The following COL4A4 variants were observed in gnomAD, a reference collection of about 807,000 sequenced individuals.
COL4A4 encodes collagen alpha-4(IV) chain.
A neutral mutation model predicts 192.9 loss-of-function variants in COL4A4; 105 were observed. The observed-to-expected ratio is 0.54, with a 90% CI of 0.46 to 0.64. The LOEUF is 0.64. Among genes scored for constraint, COL4A4 ranks in the 30% least tolerant of loss-of-function variants. COL4A4 has a pLI of 0.00. For missense variants in COL4A4, 1,967 were observed against 2,169.3 expected (o/e 0.91, Z 1.85); for synonymous variants, 762 against 769.9 (o/e 0.99, Z 0.17).
intron 4 of COL4A4, 114 bp downstream of exon 4, chr2:227,140,047 A>T: frequency 1.2e-6 from 1 of 863,132 alleles, no homozygotes; most frequent in Admixed American, 1.9e-5. Flanking sequence ...TGTGAAATAC[A>T]TAAACATTAT....
chr2:227,145,679 CT>C (rs1317885750), intron 2 of COL4A4, among the ~76,000 whole-genome samples: 3 of 152,138 alleles, frequency 2.0e-5, no homozygotes, highest in African/African-American at 7.2e-5. Context: ...TCTCTAAAAC[CT>C]CATGTCCTAA....
intron 1 of COL4A4, among the ~76,000 whole-genome samples, chr2:227,155,820 G>T (rs1312136875): frequency 6.6e-6 from 1 of 152,050 alleles, no homozygotes; most frequent in Non-Finnish European, 1.5e-5. Flanking sequence ...AAGTTAAGAA[G>T]ATTTGTGTTC....
the COL4A4 span, among the ~76,000 whole-genome samples, chr2:226,986,605 GA>G: frequency 1.3e-5 from 2 of 152,186 alleles, no homozygotes; most frequent in Admixed American, 6.5e-5. Context: ...GGTCATTAGA[GA>G]AATGCAAATC....
At chr2:227,129,233 T>G (rs2062271888) in intron 4 of COL4A4, among the ~76,000 whole-genome samples, 1 of 152,160 alleles carries the variant, frequency 6.6e-6, no homozygotes, top group Non-Finnish European at 1.5e-5. Flanking sequence ...TGTTCAGTTC[T>G]GACTTCAAGG....
At position 227,006,013 on chromosome 2, in the gene COL4A4, C is replaced by T. The variant is rs938737118; in HGVS notation, c.*1312G>A. ...GAAAATACTAATGCCAAATGTCAAA[C>T]TGTTGCCTTGGTACAAGACTGATAT... On this transcript the variant is annotated 3_prime_UTR_variant, in exon 48 of 48. Coordinates refer to ENST00000396625, the MANE Select transcript of COL4A4 (RefSeq NM_000092.5). 1.3e-5 allele frequency: 2 copies of T among 152,480 alleles called. No homozygotes were observed. The highest frequency in any genetic ancestry group is 4.8e-5 in the African/African-American group (2 of 41,444). The allele number at this position is 152,480 out of a possible 1,614,324, so 9.4% of individuals were successfully genotyped here.
chr2:227,141,122 A>T (rs2063180893), intron 3 of COL4A4, among the ~76,000 whole-genome samples: 1 of 152,162 alleles, frequency 6.6e-6, no homozygotes. Context: ...GTGGGGAGGG[A>T]GTGGTGGTTT....
At chr2:226,971,390 T>C in the COL4A4 span, among the ~76,000 whole-genome samples, 1 of 152,228 alleles carries the variant, frequency 6.6e-6, no homozygotes, top group Non-Finnish European at 1.5e-5. Flanking sequence ...CTTTGCACTG[T>C]CATCACAGTG....
chr2:226,974,932 G>A, the COL4A4 span, among the ~76,000 whole-genome samples: 3 of 152,208 alleles, frequency 2.0e-5, no homozygotes, highest in Non-Finnish European at 4.4e-5. Flanking sequence ...ATCTCTTCCA[G>A]GCTGTGCTCC....
At chr2:227,053,345 C>T (rs892566635) in intron 31 of COL4A4, among the ~76,000 whole-genome samples, 1 of 151,846 alleles carries the variant, frequency 6.6e-6, no homozygotes, top group South Asian at 2.1e-4. Context: ...GCCCAAAAGG[C>T]CTTAAGGGCA....
At chr2:227,102,738 G>A in intron 15 of COL4A4, 51 bp downstream of exon 15, 2 of 1,502,410 alleles carry the variant, frequency 1.3e-6, no homozygotes, top group African/African-American at 1.4e-5. Context: ...ATAAAAACAT[G>A]AAAGAGAAAT....
the COL4A4 span, among the ~76,000 whole-genome samples, chr2:226,971,217 C>T: frequency 6.6e-6 from 1 of 152,216 alleles, no homozygotes; most frequent in African/African-American, 2.4e-5. Context: ...CTGTTTCCCT[C>T]CTCACACCTG....
At chr2:227,041,848 G>GAAAGAAAGAGAGAGAGAGAGAGAGAGAA (rs1243663359) in intron 37 of COL4A4, among the ~76,000 whole-genome samples, 2 of 38,730 alleles carry the variant, frequency 5.2e-5, no homozygotes, top group Admixed American at 2.9e-4. Flanking sequence ...AAGAAAGAAA[G>GAAAGAAAGAGAGAGAGAGAGAGAGAGAA]AGAAAGAAAG....
At chr2:227,024,799 A>C (rs1033434190) in intron 43 of COL4A4, among the ~76,000 whole-genome samples, 1 of 152,232 alleles carries the variant, frequency 6.6e-6, no homozygotes, top group South Asian at 2.1e-4. Context: ...CTTTTCTACT[A>C]TGGGTGACTT....
At chr2:227,121,433 C>T (rs368408644) in intron 4 of COL4A4, among the ~76,000 whole-genome samples, 13 of 151,618 alleles carry the variant, frequency 8.6e-5, no homozygotes, top group African/African-American at 3.1e-4. Flanking sequence ...GGCATGGTGG[C>T]GTGGGCCTGT....
At chr2:227,022,804 T>A (rs1263548124) in intron 43 of COL4A4, among the ~76,000 whole-genome samples, 1 of 152,168 alleles carries the variant, frequency 6.6e-6, no homozygotes, top group African/African-American at 2.4e-5. Context: ...CTGAGCAGTG[T>A]CCTCATCATT....
chr2:227,146,435 C>A (rs1023318895), intron 2 of COL4A4, among the ~76,000 whole-genome samples: 3 of 152,126 alleles, frequency 2.0e-5, no homozygotes, highest in African/African-American at 7.2e-5. Context: ...ATCCTCAGAA[C>A]TTTTTGTATT....
chr2:227,042,021 A>C, intron 37 of COL4A4, 127 bp downstream of exon 37: 1 of 755,112 alleles, frequency 1.3e-6, no homozygotes, highest in East Asian at 2.5e-5. Context: ...GAAGATGCTA[A>C]TGGCACCTAC....
At chr2:227,058,590 A>G (rs1005268373) in intron 28 of COL4A4, among the ~76,000 whole-genome samples, 1 of 152,114 alleles carries the variant, frequency 6.6e-6, no homozygotes, top group Non-Finnish European at 1.5e-5. Flanking sequence ...ATGCCTAATA[A>G]ACACTGGCCC....
intron 19 of COL4A4, among the ~76,000 whole-genome samples, chr2:227,097,662 G>T (rs1402863424): frequency 6.6e-6 from 1 of 152,110 alleles, no homozygotes; most frequent in East Asian, 1.9e-4. Context: ...CTGACCAACG[G>T]AATACTCTAT....
Sources: gnomAD v4.1 joint callset for allele counts (sites outside exome capture counted in the v4.1 genomes callset) on GRCh38, gnomAD v4.1.1 for gene constraint, MANE v1.5 for transcripts, NCBI Gene and HGNC (gene_info 2026-07-23, HGNC 2026-07-21) for gene names.